The following AFG2A variants were observed in gnomAD, a reference collection of about 807,000 sequenced individuals.
AFG2A encodes the protein AAA ATPase AFG2A.
the AFG2A span, among the ~76,000 whole-genome samples, chr4:123,204,989 A>C: frequency 6.6e-6 from 1 of 152,222 alleles, no homozygotes; most frequent in African/African-American, 2.4e-5. Flanking sequence ...GAGAGTGGGT[A>C]GTTAAATATT....
the AFG2A span, among the ~76,000 whole-genome samples, chr4:123,183,933 T>TTCATTCATTC: frequency 7.3e-6 from 1 of 137,312 alleles, no homozygotes; most frequent in Non-Finnish European, 1.5e-5. Flanking sequence ...CTTGCTTATT[T>TTCATTCATTC]ATTCATTCAT....
the AFG2A span, among the ~76,000 whole-genome samples, chr4:123,064,586 T>A: frequency 6.6e-6 from 1 of 152,212 alleles, no homozygotes; most frequent in Non-Finnish European, 1.5e-5. Context: ...GTCAACCTTG[T>A]CTTAGGCAAC....
At chr4:123,278,233 T>C in the AFG2A span, among the ~76,000 whole-genome samples, 1 of 152,204 alleles carries the variant, frequency 6.6e-6, no homozygotes, top group Non-Finnish European at 1.5e-5. Context: ...TTCTAGATCT[T>C]CTAGTTTGTA....
the AFG2A span, among the ~76,000 whole-genome samples, chr4:123,082,712 TG>T: frequency 1.3e-5 from 2 of 152,082 alleles, no homozygotes; most frequent in African/African-American, 4.8e-5. Context: ...AATAACTTGT[TG>T]GGGTTTTGGT....
the AFG2A span, among the ~76,000 whole-genome samples, chr4:123,027,940 AG>A: frequency 6.7e-6 from 1 of 148,712 alleles, no homozygotes; most frequent in Admixed American, 6.8e-5. Context: ...TCATTTAAAC[AG>A]TTATTTATAT....
chr4:122,954,295 ATCAACTGTCTCTCT>A, the AFG2A span, among the ~76,000 whole-genome samples: 5 of 152,150 alleles, frequency 3.3e-5, 1 homozygote, highest in Admixed American at 2.0e-4. Context: ...CCACCTCTCA[ATCAACTGTCTCTCT>A]TCCTGAACCC....
the AFG2A span, among the ~76,000 whole-genome samples, chr4:123,059,863 G>GT: frequency 1.4e-4 from 22 of 152,196 alleles, no homozygotes; most frequent in Non-Finnish European, 2.9e-5. Flanking sequence ...GTGTGAGATG[G>GT]TATTTCATTG....
At chr4:123,169,678 A>G in the AFG2A span, among the ~76,000 whole-genome samples, 2 of 151,952 alleles carry the variant, frequency 1.3e-5, no homozygotes, top group Admixed American at 6.6e-5. Context: ...ACGGGGTTTC[A>G]CCATATTGGT....
chr4:122,949,971 C>T, the AFG2A span, among the ~76,000 whole-genome samples: 1 of 152,176 alleles, frequency 6.6e-6, no homozygotes, highest in African/African-American at 2.4e-5. Flanking sequence ...TGATGTGCTC[C>T]CCAGTAGGTT....
chr4:123,080,434 A>G, the AFG2A span, among the ~76,000 whole-genome samples: 1 of 152,178 alleles, frequency 6.6e-6, no homozygotes, highest in Non-Finnish European at 1.5e-5. Context: ...TGTTGTTTAA[A>G]CTACTGAATT....
the AFG2A span, among the ~76,000 whole-genome samples, chr4:123,275,001 T>C: frequency 6.6e-6 from 1 of 152,196 alleles, no homozygotes; most frequent in Non-Finnish European, 1.5e-5. Context: ...CATCCAAGTG[T>C]GCTGGAAAAA....
At chr4:122,929,221 T>TTTTCTTTG in the AFG2A span, 11 of 1,545,258 alleles carry the variant, frequency 7.1e-6, no homozygotes, top group Non-Finnish European at 8.7e-6. Context: ...CTTTGGTGAC[T>TTTTCTTTG]ATCTGGATCA....
the AFG2A span, among the ~76,000 whole-genome samples, chr4:123,048,593 A>T: frequency 1.3e-5 from 2 of 152,144 alleles, no homozygotes; most frequent in Non-Finnish European, 2.9e-5. Context: ...TGGTCAAAGA[A>T]AATTTATTCC....
chr4:123,085,772 T>C, the AFG2A span, among the ~76,000 whole-genome samples: 1 of 149,836 alleles, frequency 6.7e-6, no homozygotes. Context: ...TTGTTCTTCA[T>C]TCCCATTTCT....
chr4:123,200,719 G>A, the AFG2A span, among the ~76,000 whole-genome samples: 114 of 152,308 alleles, frequency 7.5e-4, no homozygotes, highest in African/African-American at 2.6e-3. Flanking sequence ...CAGTTGAGAG[G>A]CTGCTCTTTT....
the AFG2A span, chr4:123,318,626 C>G: frequency 2.0e-5 from 3 of 151,956 alleles, no homozygotes; most frequent in African/African-American, 7.3e-5. Context: ...TTATGTATTA[C>G]AAGAGTGTAT....
the AFG2A span, chr4:123,256,059 C>G: frequency 9.3e-6 from 15 of 1,614,068 alleles, no homozygotes; most frequent in Non-Finnish European, 1.3e-5. Context: ...ATCTATGTGC[C>G]TTTACCGGAT....
the AFG2A span, among the ~76,000 whole-genome samples, chr4:123,302,715 T>G: frequency 1.3e-5 from 2 of 152,088 alleles, no homozygotes; most frequent in African/African-American, 2.4e-5. Context: ...AGATAGACAT[T>G]TAACACAAAT....
the AFG2A span, among the ~76,000 whole-genome samples, chr4:122,952,844 G>A: frequency 0.91 from 138,121 of 152,178 alleles, 62,914 homozygotes; most frequent in East Asian, 0.96. Flanking sequence ...GGTTAAATCA[G>A]TAACAGAGTG....
Sources: gnomAD v4.1 joint callset for allele counts (sites outside exome capture counted in the v4.1 genomes callset) on GRCh38, gnomAD v4.1.1 for gene constraint, MANE v1.5 for transcripts, NCBI Gene and HGNC (gene_info 2026-07-23, HGNC 2026-07-21) for gene names.